SHROOM3: variants seen among roughly 807,000 people sequenced by gnomAD.
SHROOM3 encodes the protein shroom family member 3.
SHROOM3 carries 47 observed loss-of-function variants against 138.6 expected under a neutral mutation model. That is an observed-to-expected ratio of 0.34 (90% CI 0.27 to 0.43). SHROOM3 has a LOEUF of 0.43. Among genes scored for constraint, SHROOM3 ranks in the 20% least tolerant of loss-of-function variants. SHROOM3 has a pLI of 1.00. For synonymous variants in SHROOM3, 1,062 were observed against 1,063.3 expected (o/e 1.00, Z 0.02); for missense variants, 2,491 against 2,596.5 (o/e 0.96, Z 0.88).
chr4:76,551,108 C>T (rs953534752), intron 1 of SHROOM3, among the ~76,000 whole-genome samples: 3 of 151,386 alleles, frequency 2.0e-5, no homozygotes, highest in Admixed American at 1.3e-4. Flanking sequence ...TGGGCCCAAG[C>T]GATCCTCCCA....
intron 1 of SHROOM3, among the ~76,000 whole-genome samples, chr4:76,460,851 A>G (rs1336025942): frequency 4.0e-5 from 6 of 150,396 alleles, no homozygotes; most frequent in African/African-American, 1.5e-4. Flanking sequence ...AAAATTAGCC[A>G]GGCATGGTAG....
chr4:76,769,139 A>G (rs1268771643), intron 9 of SHROOM3, among the ~76,000 whole-genome samples: 1 of 151,520 alleles, frequency 6.6e-6, no homozygotes, highest in Non-Finnish European at 1.5e-5. Flanking sequence ...TTCCTTTAAA[A>G]TGAACATATA....
chr4:76,655,534 A>G (rs1156278073), intron 2 of SHROOM3, among the ~76,000 whole-genome samples: 1 of 152,198 alleles, frequency 6.6e-6, no homozygotes, highest in Non-Finnish European at 1.5e-5. Flanking sequence ...AAAGTTATGG[A>G]TATTGTTAAG....
At position 76,608,536 on chromosome 4, in the gene SHROOM3, A is replaced by G. The variant is rs546455060; in HGVS notation, c.323+52773A>G. 4.8e-4 allele frequency among the ~76,000 whole-genome samples: 10 copies of G among 20,658 alleles called. No homozygotes were observed. In the East Asian group the frequency reaches 8.6e-3, roughly 18 times the overall value. The allele number at this position is 20,658 out of a possible 152,430, so 13.6% of individuals were successfully genotyped here. A position where few individuals can be genotyped will look rare whatever the true frequency, so the allele number is the denominator to read the frequency against. On this transcript the variant is annotated intron_variant, in intron 2 of 10. Coordinates refer to ENST00000296043, the MANE Select transcript of SHROOM3 (RefSeq NM_020859.4). ...ATTGATTGGACAGAGATGGCATAGC[A>G]TAGCATAGCATAGCATAGCATAGCA...
intron 2 of SHROOM3, among the ~76,000 whole-genome samples, chr4:76,633,796 A>G (rs1735412599): frequency 6.6e-6 from 1 of 152,154 alleles, no homozygotes; most frequent in Admixed American, 6.6e-5. Flanking sequence ...TTTAAATAAT[A>G]GCATTGGGAT....
In SHROOM3 at chr4:76,782,804, A is replaced by G. The variant is rs1234839058; in HGVS notation, c.*3627A>G. On this transcript the variant is annotated 3_prime_UTR_variant, in exon 11 of 11. Coordinates refer to ENST00000296043, the MANE Select transcript of SHROOM3 (RefSeq NM_020859.4). ...AAGGGGCTTTTCTACACAGGAATAT[A>G]TTATCGGGAACAAAGTATTTCCTGC... 1 of 152,218 alleles carries G rather than the reference A, an allele frequency of 6.6e-6. No individual in the cohort carries two copies. The highest frequency in any genetic ancestry group is 6.5e-5 in the Admixed American group (1 of 15,284). The allele number at this position is 152,218 out of a possible 1,614,324, so 9.4% of individuals were successfully genotyped here. A position where few individuals can be genotyped will look rare whatever the true frequency, so the allele number is the denominator to read the frequency against.
At chr4:76,635,869 T>C (rs972301329) in intron 2 of SHROOM3, among the ~76,000 whole-genome samples, 27 of 152,236 alleles carry the variant, frequency 1.8e-4, no homozygotes, top group Admixed American at 1.8e-3. Context: ...ATTTGGTTTG[T>C]GCTGTCAGAT....
intron 2 of SHROOM3, among the ~76,000 whole-genome samples, chr4:76,658,009 T>C (rs1437946229): frequency 6.6e-6 from 1 of 152,178 alleles, no homozygotes; most frequent in Non-Finnish European, 1.5e-5. Context: ...CCAGGGCAAA[T>C]CACTTTGCCT....
intron 2 of SHROOM3, among the ~76,000 whole-genome samples, chr4:76,675,172 G>A (rs1209904376): frequency 6.6e-6 from 1 of 152,172 alleles, no homozygotes; most frequent in Non-Finnish European, 1.5e-5. Context: ...GATAAACAAG[G>A]TGGGGTGTGT....
chr4:76,749,655 G>T (rs531003015), intron 6 of SHROOM3, among the ~76,000 whole-genome samples: 1 of 152,290 alleles, frequency 6.6e-6, no homozygotes, highest in South Asian at 2.1e-4. Flanking sequence ...AAGCATCGGA[G>T]GTGAAAAATA....
intron 9 of SHROOM3, among the ~76,000 whole-genome samples, chr4:76,767,618 C>T: frequency 6.6e-6 from 1 of 152,080 alleles, no homozygotes; most frequent in East Asian, 1.9e-4. Flanking sequence ...CAAGAGTTTG[C>T]AGTGAGCCGA....
chr4:76,714,916 C>T (rs970506168), intron 3 of SHROOM3, among the ~76,000 whole-genome samples: 2 of 152,044 alleles, frequency 1.3e-5, no homozygotes, highest in Non-Finnish European at 2.9e-5. Context: ...TTTTGGCCAT[C>T]GAGAGCTCTT....
chr4:76,639,324 C>T (rs997506693), intron 2 of SHROOM3, among the ~76,000 whole-genome samples: 1 of 152,158 alleles, frequency 6.6e-6, no homozygotes, highest in African/African-American at 2.4e-5. Context: ...CCAAAAAGTG[C>T]TTGGGGTTTC....
Position 76,741,331 on chromosome 4 carries a change from G to GCGTGGC in SHROOM3, c.3161_3166dup (p.Val1054_Ala1055dup). Reference sequence around the variant, plus strand: ...AATGGGATGCGTTTCCCGGAGAGCAGCGTGGCCGACCGGCGCCGTCTCTTC... The same window carrying GCGTGGC: ...AATGGGATGCGTTTCCCGGAGAGCAGCGTGGCCGTGGCCGACCGGCGCCGTCTCTTC... On this transcript the variant is annotated inframe_insertion, in exon 5 of 11. Coordinates refer to ENST00000296043, the MANE Select transcript of SHROOM3 (RefSeq NM_020859.4). The surrounding 1 kb of genome is among the most constrained non-coding windows in gnomAD (Gnocchi z 6.2). 1 of 1,611,470 alleles carries GCGTGGC rather than the reference G, an allele frequency of 6.2e-7. No individual in the cohort carries two copies. The highest frequency in any genetic ancestry group is 8.5e-7 in the Non-Finnish European group (1 of 1,179,428).
intron 2 of SHROOM3, among the ~76,000 whole-genome samples, chr4:76,689,345 T>C (rs1719429974): frequency 7.5e-6 from 1 of 132,922 alleles, no homozygotes; most frequent in Non-Finnish European, 1.7e-5. Flanking sequence ...TGGGATTACC[T>C]GGTGGCGAGC....
chr4:76,456,633 A>G (rs1232420576), intron 1 of SHROOM3, among the ~76,000 whole-genome samples: 1 of 152,206 alleles, frequency 6.6e-6, no homozygotes, highest in Non-Finnish European at 1.5e-5. Context: ...TCTATCAACT[A>G]TGTCTATCAA....
intron 3 of SHROOM3, chr4:76,716,389 G>A (rs1467846610): frequency 1.9e-6 from 1 of 518,860 alleles, no homozygotes; most frequent in Non-Finnish European, 3.8e-6. Context: ...TTGCTATCTG[G>A]GATGTTTCTA....
chr4:76,614,564 C>T (rs1234894683), intron 2 of SHROOM3, among the ~76,000 whole-genome samples: 1 of 152,100 alleles, frequency 6.6e-6, no homozygotes, highest in Non-Finnish European at 1.5e-5. Context: ...TGGTGGTCTG[C>T]TGCACCCATC....
chr4:76,572,950 C>T (rs1733861371), intron 2 of SHROOM3, among the ~76,000 whole-genome samples: 1 of 151,904 alleles, frequency 6.6e-6, no homozygotes, highest in Non-Finnish European at 1.5e-5. Context: ...GGTGTGGTAG[C>T]ACACGCCTGT....
Sources: gnomAD v4.1 joint callset for allele counts (sites outside exome capture counted in the v4.1 genomes callset) on GRCh38, gnomAD v4.1.1 for gene constraint, Gnocchi (gnomAD v3.1) non-coding constraint, MANE v1.5 for transcripts, NCBI Gene and HGNC (gene_info 2026-07-23, HGNC 2026-07-21) for gene names.